The following COL18A1 variants were observed in gnomAD, a reference collection of about 807,000 sequenced individuals.
COL18A1 encodes collagen type XVIII alpha 1 chain.
COL18A1 carries 133 observed loss-of-function variants against 168.0 expected under a neutral mutation model. The ratio of observed to expected loss-of-function variants is 0.79; its 90% CI spans 0.69 to 0.91. COL18A1 has a LOEUF of 0.91. COL18A1 is among the 40% of genes least tolerant of loss of function. The pLI, the probability that COL18A1 is intolerant of heterozygous loss-of-function variation, is 0.00. For synonymous variants in COL18A1, 949 were observed against 809.0 expected, an observed-to-expected ratio of 1.17 and a Z score of -2.94; for missense variants, 2,126 against 1,925.4, an observed-to-expected ratio of 1.10 and a Z score of -1.95.
chr21:45,496,769 AGCT>A (rs1819369187), intron 30 of COL18A1, among the ~76,000 whole-genome samples: 1 of 152,200 alleles, frequency 6.6e-6, no homozygotes, highest in South Asian at 2.1e-4. Context: ...CTGGGTGTGG[AGCT>A]GCTTCCAGCT....
Position 45,513,453 on chromosome 21 carries a change from C to CTGCGGTGA in COL18A1, c.*1055_*1056insTGCGGTGA, listed in dbSNP as rs2037725621. On this transcript the variant is annotated 3_prime_UTR_variant, in exon 42 of 42. Transcript: ENST00000651438. ...GACTGAAGGGGAACCCCGGGGTGCC[C>CTGCGGTGA]ACAGGCCGCCCTGCGGGTGAACAAA... 1 of 152,228 alleles carries CTGCGGTGA rather than the reference C, an allele frequency of 6.6e-6. No homozygotes were observed. Among genetic ancestry groups the CTGCGGTGA allele is most frequent in the Non-Finnish European group, 1.5e-5 (1 of 68,056 alleles). 9.4% of individuals were successfully genotyped at this position (152,228 alleles called of 1,614,324 possible). A position where few individuals can be genotyped will look rare whatever the true frequency, so the allele number is the denominator to read the frequency against.
Position 45,413,535 on chromosome 21 carries a change from G to A in COL18A1, c.106+8062G>A, listed in dbSNP as rs568738618. On this transcript the variant is annotated intron_variant, in intron 2 of 41. Transcript: ENST00000651438. ...CAGCGAGGAGCTTTCTTGTGAAGAG[G>A]CAGTTCCCGGAGGGAGGCGTCTGTG... is the stretch of plus-strand genomic sequence containing the variant. Among the ~76,000 whole-genome samples the A allele has an allele frequency of 2.0e-5, 3 of 152,376 alleles. No individual in the cohort carries two copies. In the South Asian group the frequency reaches 6.2e-4, roughly 32 times the overall value.
Position 45,473,829 on chromosome 21 carries a change from A to G in COL18A1, c.652-66A>G, listed in dbSNP as rs2035534287. On this transcript the variant is annotated intron_variant, in intron 3 of 41. Transcript: ENST00000651438. The surrounding 1 kb of genome is among the most constrained non-coding windows in gnomAD (Gnocchi z 4.0). The stretch of plus-strand genomic sequence containing the variant: ...TGGGCCCCCCGAAATCTGGAGCTCA[A>G]GCAGCACCGGGGTTGCCACTGCCAC... 19 of 1,342,604 alleles carry G rather than the reference A, an allele frequency of 1.4e-5. No homozygotes were observed. Among genetic ancestry groups the G allele is most frequent in the Non-Finnish European group, 1.8e-5 (17 of 958,818 alleles). The allele number at this position is 1,342,604 out of a possible 1,614,324, so 83.2% of individuals were successfully genotyped here.
At chr21:45,411,464 G>A (rs1333044091) in intron 2 of COL18A1, among the ~76,000 whole-genome samples, 2 of 152,126 alleles carry the variant, frequency 1.3e-5, no homozygotes, top group Non-Finnish European at 2.9e-5. Flanking sequence ...TTCTGTGTGC[G>A]AGAGGCCGTG....
At chr21:45,476,572 G>T in intron 6 of COL18A1, 92 bp downstream of exon 6, 1 of 1,463,686 alleles carries the variant, frequency 6.8e-7, no homozygotes, top group South Asian at 1.2e-5. Flanking sequence ...TGTGTGTGAT[G>T]TATGGTGTGT....
At position 45,505,837 on chromosome 21, in the gene COL18A1, G is replaced by T; in HGVS notation, c.3088-1G>T. On this transcript the variant is annotated splice_acceptor_variant, in intron 36 of 41. Transcript: ENST00000651438. LOFTEE classifies it high-confidence loss of function. ...CACACCTCTGCATTTGGTCCCAGCA[G>T]GTGAGGCTCTGGGCTACACGCCAGG... 6.3e-7 allele frequency: 1 copy of T among 1,597,058 alleles called. No individual in the cohort carries two copies.
chr21:45,452,514 G>A (rs1310379152), intron 2 of COL18A1, among the ~76,000 whole-genome samples: 1 of 94,678 alleles, frequency 1.1e-5, no homozygotes, highest in East Asian at 3.4e-4. Flanking sequence ...CACGTGACGT[G>A]TGAGCATGCA....
intron 2 of COL18A1, among the ~76,000 whole-genome samples, chr21:45,465,955 G>A (rs936566771): frequency 2.0e-5 from 3 of 152,198 alleles, no homozygotes; most frequent in Non-Finnish European, 4.4e-5. Context: ...GGGTGAACGC[G>A]GCTCTTGGTG....
In COL18A1 at chr21:45,505,910, G is replaced by T. The variant is rs759489506; in HGVS notation, c.3160G>T (p.Val1054Leu). ...HEVPEGWLIFVAEQEELYVRV... is the reference protein window; with the variant it reads ...HEVPEGWLIFLAEQEELYVRV... The stretch of plus-strand genomic sequence containing the variant: ...GGTTCCCGAGGGCTGGCTCATCTTC[G>T]TGGCCGAGCAGGAGGAGCTCTACGT... Residue 1054 changes from valine to leucine, a missense_variant, in exon 37 of 42, where the codon GTG becomes TTG. Physicochemically the swap from Val to Leu is conservative, Grantham distance 32. Coordinates refer to ENST00000651438, the MANE Select transcript of COL18A1 (RefSeq NM_001379500.1). The T allele has an allele frequency of 1.2e-6, 2 of 1,612,978 alleles. No individual in the cohort carries two copies. Among genetic ancestry groups the T allele is most frequent in the Admixed American group, 1.7e-5 (1 of 60,014 alleles).
At chr21:45,491,397 C>G in intron 22 of COL18A1, 83 bp downstream of exon 22, 2 of 686,798 alleles carry the variant, frequency 2.9e-6, no homozygotes, top group Admixed American at 4.4e-5. Context: ...CCCCCCCACA[C>G]CCCCACATCC....
intron 37 of COL18A1, 80 bp downstream of exon 37, chr21:45,506,046 C>T (rs2037185116): frequency 1.2e-6 from 2 of 1,605,302 alleles, no homozygotes; most frequent in East Asian, 2.2e-5. Flanking sequence ...GCGAGAGGCT[C>T]AGGCCCCGGA....
intron 29 of COL18A1, chr21:45,495,978 A>C (rs1342742497): frequency 3.0e-6 from 1 of 334,392 alleles, no homozygotes; most frequent in South Asian, 2.5e-5. Flanking sequence ...ACATGCATAC[A>C]CACCAATACA....
At chr21:45,434,959 C>T (rs936403956) in intron 2 of COL18A1, among the ~76,000 whole-genome samples, 1 of 152,064 alleles carries the variant, frequency 6.6e-6, no homozygotes, top group African/African-American at 2.4e-5. Context: ...GTCGGGAAAG[C>T]CCAGTCAGAG....
intron 2 of COL18A1, among the ~76,000 whole-genome samples, chr21:45,417,041 T>C (rs1348773675): frequency 2.0e-5 from 3 of 152,224 alleles, no homozygotes; most frequent in South Asian, 2.1e-4. Flanking sequence ...GTTCCCTAAG[T>C]TATTTTTGTT....
rs545294769 is a variant in COL18A1, at chr21:45,413,614, C to T, written c.106+8141C>T. Among the ~76,000 whole-genome samples the T allele has an allele frequency of 5.1e-3, 773 of 152,320 alleles. 7 individuals are homozygous for T. The highest frequency in any genetic ancestry group is 5.9e-3 in the Non-Finnish European group (404 of 68,024). On this transcript the variant is annotated intron_variant, in intron 2 of 41. Transcript: ENST00000651438. ...CTCTGAGGAGGAGTTCAGAGAACAT[C>T]CGCTTCCTTTCTGTTATCATCTCAG...
chr21:45,450,497 C>T (rs954084518), intron 2 of COL18A1, among the ~76,000 whole-genome samples: 1 of 152,178 alleles, frequency 6.6e-6, no homozygotes, highest in Non-Finnish European at 1.5e-5. Context: ...AATGAGCCCC[C>T]CTCTTTGCCC....
At chr21:45,496,346 T>C (rs1602559425) in intron 29 of COL18A1, 154 bp from the exon 30 acceptor site, 1 of 726,310 alleles carries the variant, frequency 1.4e-6, no homozygotes, top group South Asian at 1.5e-5. Context: ...CAGGGAGCCG[T>C]GGCCCGAGTG....
chr21:45,437,394 G>GCA (rs1305059288), intron 2 of COL18A1, among the ~76,000 whole-genome samples: 1 of 73,036 alleles, frequency 1.4e-5, no homozygotes. Flanking sequence ...GCACTCTCCT[G>GCA]CACACACACA....
intron 2 of COL18A1, among the ~76,000 whole-genome samples, chr21:45,416,008 C>T (rs911457347): frequency 6.6e-6 from 1 of 152,178 alleles, no homozygotes; most frequent in Non-Finnish European, 1.5e-5. Flanking sequence ...ATCCAGAACA[C>T]ACAGCCAGAC....
Sources: allele counts gnomAD v4.1 joint callset (sites outside exome capture counted in the v4.1 genomes callset), GRCh38; gene constraint gnomAD v4.1.1; non-coding constraint Gnocchi (gnomAD v3.1); transcripts MANE v1.5; gene names NCBI Gene and HGNC (gene_info 2026-07-23, HGNC 2026-07-21).